The following CEP83 variants were observed in gnomAD, a reference collection of about 807,000 sequenced individuals.
The protein encoded by CEP83 is centrosomal protein 83.
A neutral mutation model predicts 101.9 loss-of-function variants in CEP83; 70 were observed. That is an observed-to-expected ratio of 0.69 (90% confidence interval 0.57 to 0.84). The LOEUF is 0.84. CEP83 is among the 40% of genes least tolerant of loss of function. The pLI is 0.00. For synonymous variants in CEP83, 264 were observed against 267.9 expected, an observed-to-expected ratio of 0.99 and a Z score of 0.14; for missense variants, 715 against 787.2, an observed-to-expected ratio of 0.91 and a Z score of 1.10.
chr12:94,416,575 A>ACACACACACAC, intron 2 of CEP83, among the ~76,000 whole-genome samples: 1 of 134,430 alleles, frequency 7.4e-6, no homozygotes, highest in East Asian at 2.2e-4. Flanking sequence ...CACACACACA[A>ACACACACACAC]AAAAAAAAAA....
chr12:94,362,398 T>C (rs1408779650), intron 11 of CEP83, among the ~76,000 whole-genome samples: 1 of 152,120 alleles, frequency 6.6e-6, no homozygotes, highest in Non-Finnish European at 1.5e-5. Context: ...GGCAGGTGGA[T>C]CACTTGAGGT....
chr12:94,440,222 A>G (rs2066297478), intron 1 of CEP83, among the ~76,000 whole-genome samples: 1 of 152,206 alleles, frequency 6.6e-6, no homozygotes, highest in Non-Finnish European at 1.5e-5. Context: ...AGAGCATCCA[A>G]AGTGGTAAAG....
chr12:94,452,573 T>C (rs1006347842), intron 1 of CEP83, among the ~76,000 whole-genome samples: 3 of 152,106 alleles, frequency 2.0e-5, no homozygotes, highest in Non-Finnish European at 4.4e-5. Context: ...TTCTTAAGGC[T>C]TTAAAAAAGA....
At chr12:94,400,226 C>A (rs2063171278) in intron 6 of CEP83, among the ~76,000 whole-genome samples, 1 of 151,982 alleles carries the variant, frequency 6.6e-6, no homozygotes, top group Admixed American at 6.5e-5. Context: ...ATTCCAAAAG[C>A]AACACGACCA....
intron 2 of CEP83, among the ~76,000 whole-genome samples, chr12:94,432,684 A>C (rs1279673933): frequency 1.3e-5 from 2 of 152,234 alleles, no homozygotes; most frequent in East Asian, 3.8e-4. Flanking sequence ...CGCAGAGCAG[A>C]GTACAGTTAA....
intron 11 of CEP83, chr12:94,361,282 C>T (rs954482763): frequency 1.3e-5 from 2 of 152,158 alleles, no homozygotes; most frequent in South Asian, 2.1e-4. Context: ...AAGAGGATCA[C>T]CTGAGTCCAG....
At chr12:94,420,414 T>C (rs1006845103) in intron 2 of CEP83, among the ~76,000 whole-genome samples, 9 of 152,286 alleles carry the variant, frequency 5.9e-5, no homozygotes, top group Admixed American at 2.0e-4. Flanking sequence ...AAACGAATAG[T>C]GGTATAATGG....
rs1316934605 is a variant in CEP83, at chr12:94,355,947, G to C, written c.1343+11847C>G. ...AATATGTGGGTAAATCTCTGTTCAG[G>C]GCTCTCAGCTCTGAAGGCTGTGAGA... On this transcript the variant is annotated intron_variant, in intron 11 of 16. Coordinates refer to ENST00000397809, the MANE Select transcript of CEP83 (RefSeq NM_016122.3). 2.0e-5 allele frequency among the ~76,000 whole-genome samples: 3 copies of C among 152,046 alleles called. 1 individual carries two copies. The highest frequency in any genetic ancestry group is 1.3e-4 in the Admixed American group (2 of 15,254).
chr12:94,396,315 G>A (rs1009510142), intron 6 of CEP83, among the ~76,000 whole-genome samples: 1 of 120,812 alleles, frequency 8.3e-6, no homozygotes, highest in Non-Finnish European at 1.6e-5. Flanking sequence ...TTGAGACAGA[G>A]CCTCATTCTG....
At chr12:94,372,321 T>C (rs755845719) in intron 8 of CEP83, among the ~76,000 whole-genome samples, 67 of 152,258 alleles carry the variant, frequency 4.4e-4, no homozygotes, top group Non-Finnish European at 8.5e-4. Flanking sequence ...AAGCAAGTTT[T>C]ATAAAATGAT....
intron 4 of CEP83, among the ~76,000 whole-genome samples, chr12:94,410,371 A>T: frequency 6.6e-6 from 1 of 152,218 alleles, no homozygotes; most frequent in East Asian, 1.9e-4. Context: ...TTACCACATG[A>T]GAAAACTAGG....
chr12:94,409,724 T>C lies in CEP83; in HGVS notation c.324+1973A>G, dbSNP rs183687325. Among the ~76,000 whole-genome samples, 4 of 152,276 alleles carry C rather than the reference T, an allele frequency of 2.6e-5. No homozygotes were observed. In the East Asian group the frequency reaches 5.8e-4, roughly 22 times the overall value. ...TGAAATCAAGGTGTGTTGACAGGCC[T>C]TGCTCCCCCTAAAATCTGCAGGGAA... On this transcript the variant is annotated intron_variant, in intron 4 of 16. Coordinates refer to ENST00000397809, the MANE Select transcript of CEP83 (RefSeq NM_016122.3).
intron 11 of CEP83, among the ~76,000 whole-genome samples, chr12:94,347,094 TACACAC>T (rs549488983): frequency 2.9e-5 from 4 of 138,626 alleles, no homozygotes; most frequent in Admixed American, 7.1e-5. Context: ...CACACACACA[TACACAC>T]ACACACACAT....
chr12:94,322,684 T>A (rs530703179), intron 14 of CEP83, among the ~76,000 whole-genome samples: 1 of 152,162 alleles, frequency 6.6e-6, no homozygotes, highest in African/African-American at 2.4e-5. Context: ...AGGAGCCACA[T>A]GAGGAAGCAG....
At chr12:94,286,104 C>T in the CEP83 span, among the ~76,000 whole-genome samples, 1 of 152,186 alleles carries the variant, frequency 6.6e-6, no homozygotes. Context: ...GTGCTAGACA[C>T]CTATCTGCTT....
At chr12:94,458,129 G>A (rs774690531) in intron 1 of CEP83, among the ~76,000 whole-genome samples, 13 of 151,706 alleles carry the variant, frequency 8.6e-5, no homozygotes, top group African/African-American at 1.2e-4. Context: ...ACTGGGAGGC[G>A]GAAGTTGCAG....
At chr12:94,275,150 C>T in the CEP83 span, among the ~76,000 whole-genome samples, 1 of 152,196 alleles carries the variant, frequency 6.6e-6, no homozygotes, top group South Asian at 2.1e-4. Flanking sequence ...GTCCTCCCTA[C>T]TCAGAATCCT....
At chr12:94,330,772 T>C (rs1353325538) in intron 14 of CEP83, among the ~76,000 whole-genome samples, 1 of 152,186 alleles carries the variant, frequency 6.6e-6, no homozygotes, top group Non-Finnish European at 1.5e-5. Context: ...ATGACTTCCA[T>C]GGGATGGCCT....
intron 1 of CEP83, among the ~76,000 whole-genome samples, chr12:94,442,604 G>C (rs2066494707): frequency 6.6e-6 from 1 of 151,976 alleles, no homozygotes; most frequent in Non-Finnish European, 1.5e-5. Context: ...TAAAGTAAAG[G>C]TTTCATTAAA....
Sources: allele counts gnomAD v4.1 joint callset (sites outside exome capture counted in the v4.1 genomes callset), GRCh38; gene constraint gnomAD v4.1.1; transcripts MANE v1.5; gene names NCBI Gene and HGNC (gene_info 2026-07-23, HGNC 2026-07-21).